The following FBXL2 variants were observed in gnomAD, a reference collection of about 807,000 sequenced individuals.
FBXL2 encodes F-box and leucine rich repeat protein 2.
In FBXL2, 38 loss-of-function variants were observed where a neutral mutation model predicts 69.2. That is an observed-to-expected ratio of 0.55 (90% CI 0.42 to 0.72). The LOEUF (loss-of-function observed/expected upper bound fraction) is 0.72. Ranked by LOEUF, FBXL2 falls within the 30% of genes least tolerant of loss-of-function variation. The pLI is 0.00. For synonymous variants in FBXL2, 192 were observed against 201.3 expected (o/e 0.95, Z 0.39); for missense variants, 354 against 520.3 (o/e 0.68, Z 3.11).
intron 12 of FBXL2, among the ~76,000 whole-genome samples, chr3:33,378,470 C>T (rs1344438710): frequency 1.3e-5 from 2 of 152,218 alleles, no homozygotes; most frequent in African/African-American, 4.8e-5. Flanking sequence ...CCCAAGCCTC[C>T]TTGGGGTACC....
intron 2 of FBXL2, among the ~76,000 whole-genome samples, chr3:33,337,104 C>T (rs932251979): frequency 6.8e-6 from 1 of 147,578 alleles, no homozygotes; most frequent in East Asian, 2.0e-4. Context: ...ACTCGGGAGG[C>T]TGAGGCAGGA....
downstream of FBXL2, among the ~76,000 whole-genome samples, chr3:33,406,936 C>T (rs947251463): frequency 6.6e-6 from 1 of 152,160 alleles, no homozygotes; most frequent in African/African-American, 2.4e-5. Flanking sequence ...CAGTGTGGCA[C>T]CATTTCATTC....
At chr3:33,327,525 C>T (rs1435840986) in intron 2 of FBXL2, among the ~76,000 whole-genome samples, 1 of 152,130 alleles carries the variant, frequency 6.6e-6, no homozygotes, top group Non-Finnish European at 1.5e-5. Context: ...TCCAGTTTTA[C>T]AGATTATTCA....
intron 5 of FBXL2, among the ~76,000 whole-genome samples, chr3:33,365,363 T>A (rs978654281): frequency 6.6e-6 from 1 of 150,912 alleles, no homozygotes; most frequent in Admixed American, 6.6e-5. Context: ...CACTGCAACC[T>A]CTGCCTCCCA....
the FBXL2 span, among the ~76,000 whole-genome samples, chr3:33,420,488 CTTTTTTTT>C: frequency 8.3e-6 from 1 of 120,616 alleles, no homozygotes; most frequent in East Asian, 2.4e-4. Flanking sequence ...ACCATACTGG[CTTTTTTTT>C]TTTTTTTTTT....
chr3:33,290,829 GA>G (rs2035149269), intron 1 of FBXL2, among the ~76,000 whole-genome samples: 1 of 151,860 alleles, frequency 6.6e-6, no homozygotes, highest in South Asian at 2.1e-4. Flanking sequence ...TTTTATAAAG[GA>G]AATCTTAAAA....
the FBXL2 span, among the ~76,000 whole-genome samples, chr3:33,415,801 G>A: frequency 3.3e-5 from 5 of 151,430 alleles, no homozygotes; most frequent in Non-Finnish European, 5.9e-5. Flanking sequence ...AACAATCAGA[G>A]AAAGCACATT....
chr3:33,357,977 G>A (rs2041332415), intron 2 of FBXL2, among the ~76,000 whole-genome samples: 1 of 152,086 alleles, frequency 6.6e-6, no homozygotes, highest in Non-Finnish European at 1.5e-5. Flanking sequence ...ATTATTGTAG[G>A]GTACAACACT....
At chr3:33,384,274 C>A (rs182135713) in intron 14 of FBXL2, 73 bp downstream of exon 14, 14 of 1,470,186 alleles carry the variant, frequency 9.5e-6, no homozygotes, top group Non-Finnish European at 6.5e-6. Context: ...AGAATCAGAC[C>A]GGGGCTAGGC....
At position 33,386,889 on chromosome 3, in the gene FBXL2, A is replaced by C. The variant is rs2043473529; in HGVS notation, c.*1281A>C. ...TCCAAACAACCACTCCCCCAAACTGAAGGGCCAGAGCTCATGAGAAACTTA... is the reference window on the plus strand; with the variant it reads ...TCCAAACAACCACTCCCCCAAACTGCAGGGCCAGAGCTCATGAGAAACTTA... On this transcript the variant is annotated 3_prime_UTR_variant, in exon 15 of 15. Coordinates refer to ENST00000484457, the MANE Select transcript of FBXL2 (RefSeq NM_012157.5). 6.6e-6 allele frequency: 1 copy of C among 152,200 alleles called. No homozygotes were observed. 9.4% of individuals were successfully genotyped at this position (152,200 alleles called of 1,614,324 possible).
chr3:33,409,304 T>C, the FBXL2 span: 1 of 1,614,190 alleles, frequency 6.2e-7, no homozygotes, highest in Non-Finnish European at 8.5e-7. Context: ...CTCTTCTCCA[T>C]CTTCTCTCGG....
At chr3:33,375,012 G>T (rs2042545330) in intron 9 of FBXL2, among the ~76,000 whole-genome samples, 1 of 151,886 alleles carries the variant, frequency 6.6e-6, no homozygotes, top group Non-Finnish European at 1.5e-5. Flanking sequence ...AGGGAGAAAT[G>T]GAATTTTAAA....
intron 2 of FBXL2, among the ~76,000 whole-genome samples, chr3:33,345,490 A>G (rs1368118397): frequency 6.6e-6 from 1 of 152,234 alleles, no homozygotes; most frequent in Non-Finnish European, 1.5e-5. Context: ...TATACAGACC[A>G]GACTTTCTTG....
chr3:33,349,869 C>G (rs1034920412), intron 2 of FBXL2, among the ~76,000 whole-genome samples: 1 of 152,054 alleles, frequency 6.6e-6, no homozygotes, highest in Non-Finnish European at 1.5e-5. Flanking sequence ...ACTGAATAGG[C>G]ATATATAATA....
intron 12 of FBXL2, among the ~76,000 whole-genome samples, chr3:33,378,465 G>A (rs191920239): frequency 6.6e-6 from 1 of 152,320 alleles, no homozygotes; most frequent in East Asian, 1.9e-4. Context: ...CTTGCCCCAA[G>A]CCTCCTTGGG....
intron 1 of FBXL2, among the ~76,000 whole-genome samples, chr3:33,293,257 C>A (rs1326035145): frequency 6.6e-6 from 1 of 152,178 alleles, no homozygotes; most frequent in African/African-American, 2.4e-5. Context: ...AGGCACTTTA[C>A]GTTTATGGAC....
At chr3:33,356,911 A>G (rs1221067481) in intron 2 of FBXL2, among the ~76,000 whole-genome samples, 1 of 152,178 alleles carries the variant, frequency 6.6e-6, no homozygotes, top group East Asian at 1.9e-4. Flanking sequence ...ATCTAGCCCA[A>G]TCCTGAGGGA....
At chr3:33,281,459 G>C (rs2033995323) in intron 1 of FBXL2, among the ~76,000 whole-genome samples, 1 of 152,114 alleles carries the variant, frequency 6.6e-6, no homozygotes, top group Admixed American at 6.6e-5. Context: ...GGACATTTGG[G>C]TTGGTTCCAA....
rs547413690 is a variant in FBXL2 at position 33,299,951 on chromosome 3, C to T, written c.65+2226C>T. Among the ~76,000 whole-genome samples the T allele has an allele frequency of 1.6e-4, 25 of 152,180 alleles. No homozygotes were observed. In the South Asian group the frequency reaches 2.1e-3, roughly 13 times the overall value. ...GGCAGATTGTCACTATACAACTGCA[C>T]GGATGCCATCCACATTGACTACAGT... is the stretch of plus-strand genomic sequence containing the variant. On this transcript the variant is annotated intron_variant, in intron 2 of 14. Coordinates refer to ENST00000484457, the MANE Select transcript of FBXL2 (RefSeq NM_012157.5).
Sources: gnomAD v4.1 joint callset for allele counts (sites outside exome capture counted in the v4.1 genomes callset) on GRCh38, gnomAD v4.1.1 for gene constraint, MANE v1.5 for transcripts, NCBI Gene and HGNC (gene_info 2026-07-23, HGNC 2026-07-21) for gene names.